The following ADAMTSL1 variants were observed in gnomAD, a reference collection of about 807,000 sequenced individuals.
The protein encoded by ADAMTSL1 is ADAMTS like 1, also known as ADAMTS-like protein 1.
A neutral mutation model predicts 201.8 loss-of-function variants in ADAMTSL1; 126 were observed. The ratio of observed to expected loss-of-function variants is 0.62; its 90% CI spans 0.54 to 0.72. The LOEUF (loss-of-function observed/expected upper bound fraction) is 0.72. ADAMTSL1 is among the 30% of genes least tolerant of loss of function. ADAMTSL1 has a pLI of 0.00. For synonymous variants in ADAMTSL1, 1,121 were observed against 903.4 expected (o/e 1.24, Z -4.32); for missense variants, 2,679 against 2,277.8 (o/e 1.18, Z -3.59).
intron 2 of ADAMTSL1, among the ~76,000 whole-genome samples, chr9:18,363,556 T>G (rs1836623970): frequency 1.3e-5 from 2 of 152,330 alleles, no homozygotes; most frequent in Non-Finnish European, 2.9e-5. Flanking sequence ...AGATAATTCC[T>G]TACATTTTTA....
At chr9:18,424,143 A>C (rs1819088884) in intron 2 of ADAMTSL1, among the ~76,000 whole-genome samples, 1 of 152,238 alleles carries the variant, frequency 6.6e-6, no homozygotes. Flanking sequence ...GGGATATTTT[A>C]GATATGGCCT....
At chr9:18,297,192 G>A (rs1833509520) in intron 2 of ADAMTSL1, among the ~76,000 whole-genome samples, 1 of 152,092 alleles carries the variant, frequency 6.6e-6, no homozygotes, top group African/African-American at 2.4e-5. Context: ...TGCAGTCTGT[G>A]TAATGCTGCA....
chr9:17,984,837 G>A (rs1010889069), intron 1 of ADAMTSL1, among the ~76,000 whole-genome samples: 4 of 152,134 alleles, frequency 2.6e-5, no homozygotes, highest in Non-Finnish European at 5.9e-5. Context: ...TCAGTGGTAA[G>A]AGTTTGGGGG....
chr9:18,212,179 C>A (rs1315876220), intron 2 of ADAMTSL1, among the ~76,000 whole-genome samples: 3 of 151,898 alleles, frequency 2.0e-5, no homozygotes, highest in Non-Finnish European at 4.4e-5. Context: ...TCTACCAGTT[C>A]CTGAAAAAAA....
chr9:18,423,597 T>C (rs7041357), intron 2 of ADAMTSL1, among the ~76,000 whole-genome samples: 86,219 of 152,046 alleles, frequency 0.57, 26,510 homozygotes, highest in East Asian at 0.9. Context: ...AAGTACAATA[T>C]TGTCCCTACT....
chr9:18,056,156 C>G (rs1822172818), intron 1 of ADAMTSL1, among the ~76,000 whole-genome samples: 1 of 144,998 alleles, frequency 6.9e-6, no homozygotes, highest in African/African-American at 2.5e-5. Context: ...TCAGCAAAAG[C>G]TTTTTTTTTT....
chr9:18,550,899 G>A (rs908760642), intron 3 of ADAMTSL1, among the ~76,000 whole-genome samples: 6 of 151,774 alleles, frequency 4.0e-5, no homozygotes, highest in African/African-American at 1.2e-4. Context: ...TTGTATTTGG[G>A]AAGAAAATGG....
intron 1 of ADAMTSL1, among the ~76,000 whole-genome samples, chr9:17,950,107 A>G (rs879424825): frequency 1.3e-5 from 2 of 152,002 alleles, no homozygotes; most frequent in African/African-American, 4.8e-5. Flanking sequence ...TTAAGTAGAG[A>G]TGGGGTTTTA....
intron 1 of ADAMTSL1, among the ~76,000 whole-genome samples, chr9:18,089,963 T>G (rs1207690350): frequency 6.6e-6 from 1 of 152,216 alleles, no homozygotes; most frequent in East Asian, 1.9e-4. Flanking sequence ...TTGGTAATTA[T>G]AATTTATATT....
chr9:18,457,275 TTAAAA>T (rs1820640415), intron 2 of ADAMTSL1, among the ~76,000 whole-genome samples: 1 of 152,160 alleles, frequency 6.6e-6, no homozygotes, highest in Admixed American at 6.5e-5. Context: ...GACACATCAG[TTAAAA>T]TAAAATCACG....
chr9:18,530,257 A>T (rs1856893), intron 2 of ADAMTSL1, among the ~76,000 whole-genome samples: 11,153 of 152,160 alleles, frequency 0.073, 1,237 homozygotes, highest in African/African-American at 0.24. Context: ...ATGCAAGTGG[A>T]AGAACAAAAT....
chr9:18,440,552 A>G (rs1819951329), intron 2 of ADAMTSL1, among the ~76,000 whole-genome samples: 1 of 151,616 alleles, frequency 6.6e-6, no homozygotes, highest in Admixed American at 6.6e-5. Flanking sequence ...TTTTTAGGTA[A>G]ATAAAAACAA....
chr9:18,184,441 A>C (rs554009036), intron 2 of ADAMTSL1, among the ~76,000 whole-genome samples: 1 of 152,308 alleles, frequency 6.6e-6, no homozygotes, highest in South Asian at 2.1e-4. Context: ...TTTAATCACC[A>C]GTATCAAAAT....
At chr9:18,585,518 G>T (rs535531867) in intron 4 of ADAMTSL1, among the ~76,000 whole-genome samples, 1 of 151,940 alleles carries the variant, frequency 6.6e-6, no homozygotes, top group Admixed American at 6.6e-5. Context: ...AGGAAATTGA[G>T]GCTCATAGAA....
chr9:18,242,167 C>A (rs1831091965), intron 2 of ADAMTSL1, among the ~76,000 whole-genome samples: 1 of 152,010 alleles, frequency 6.6e-6, no homozygotes, highest in Non-Finnish European at 1.5e-5. Flanking sequence ...ATATCATGAA[C>A]AAATGGGATT....
intron 2 of ADAMTSL1, among the ~76,000 whole-genome samples, chr9:18,428,011 C>G (rs1390318961): frequency 6.6e-6 from 1 of 152,198 alleles, no homozygotes; most frequent in South Asian, 2.1e-4. Context: ...AGGCAGTTTG[C>G]CACCCTCCTT....
At chr9:18,090,474 A>G (rs1006870500) in intron 1 of ADAMTSL1, among the ~76,000 whole-genome samples, 3 of 152,202 alleles carry the variant, frequency 2.0e-5, no homozygotes, top group Non-Finnish European at 4.4e-5. Flanking sequence ...ACATTATGCT[A>G]AGTTAAATAA....
chr9:18,886,806 G>T (rs1262887892), intron 23 of ADAMTSL1, among the ~76,000 whole-genome samples: 2 of 152,158 alleles, frequency 1.3e-5, no homozygotes, highest in East Asian at 1.9e-4. Flanking sequence ...AATCTAGGGG[G>T]TATACACAAA....
chr9:18,527,316 A>T lies in ADAMTSL1; in HGVS notation c.192-5931A>T, dbSNP rs530620479. Among the ~76,000 whole-genome samples, 40 of 152,300 alleles carry T rather than the reference A, an allele frequency of 2.6e-4. No homozygotes were observed. In the South Asian group the frequency reaches 7.7e-3, roughly 29 times the overall value. Reference sequence around the variant, plus strand: ...GTGCCATGAGCCTAATATAAGTGCAATTGTCCTTAAAAACCCAGAAGTGTT... The same window carrying T: ...GTGCCATGAGCCTAATATAAGTGCATTTGTCCTTAAAAACCCAGAAGTGTT... On this transcript the variant is annotated intron_variant, in intron 2 of 28. Coordinates refer to ENST00000380548, the MANE Select transcript of ADAMTSL1 (RefSeq NM_001040272.6).
Sources: allele counts gnomAD v4.1 joint callset (sites outside exome capture counted in the v4.1 genomes callset), GRCh38; gene constraint gnomAD v4.1.1; transcripts MANE v1.5; gene names NCBI Gene and HGNC (gene_info 2026-07-23, HGNC 2026-07-21).